The following SSPN variants were observed in gnomAD, a reference collection of about 807,000 sequenced individuals.
SSPN encodes K-ras oncogene-associated protein.
A neutral mutation model predicts 19.1 loss-of-function variants in SSPN; 15 were observed. The observed-to-expected ratio is 0.78, with a 90% CI of 0.52 to 1.21. The LOEUF (loss-of-function observed/expected upper bound fraction) is 1.21, where lower values mean the gene tolerates loss of function less well. Ranked by LOEUF, SSPN falls within the 50% of genes most tolerant of loss-of-function variation. The probability of loss-of-function intolerance (pLI) is 0.00; values close to 1 mark genes in which losing one functional copy is unlikely to be tolerated. For missense variants in SSPN, 291 were observed against 314.0 expected (o/e 0.93, Z 0.55); for synonymous variants, 147 against 140.3 (o/e 1.05, Z -0.34).
chr12:26,181,552 A>C (rs1278060534), intron 1 of SSPN, among the ~76,000 whole-genome samples: 2 of 152,242 alleles, frequency 1.3e-5, no homozygotes, highest in Non-Finnish European at 2.9e-5. Context: ...GCTATAGATC[A>C]GTTTACAAAA....
At chr12:26,124,818 G>C in intron 1 of SSPN, 1 of 1,603,984 alleles carries the variant, frequency 6.2e-7, no homozygotes, top group Non-Finnish European at 8.5e-7. Context: ...CGATTTTTGG[G>C]GCTCTGTACA....
chr12:26,184,838 T>A (rs1429220463), intron 1 of SSPN, among the ~76,000 whole-genome samples: 2 of 152,112 alleles, frequency 1.3e-5, no homozygotes, highest in Non-Finnish European at 2.9e-5. Context: ...CATAATGTAA[T>A]ATGCTCATGA....
intron 1 of SSPN, among the ~76,000 whole-genome samples, chr12:26,182,262 C>G (rs1010940438): frequency 2.6e-5 from 4 of 152,182 alleles, no homozygotes; most frequent in African/African-American, 9.7e-5. Flanking sequence ...TGAGCATTCA[C>G]TATGGGGAGT....
intron 1 of SSPN, among the ~76,000 whole-genome samples, chr12:26,215,857 A>G (rs934052394): frequency 6.6e-6 from 1 of 152,252 alleles, no homozygotes; most frequent in African/African-American, 2.4e-5. Flanking sequence ...CCCAATTTGA[A>G]GGACTCCTAT....
At chr12:26,166,607 G>T (rs577778167) in intron 1 of SSPN, among the ~76,000 whole-genome samples, 1 of 152,158 alleles carries the variant, frequency 6.6e-6, no homozygotes, top group Non-Finnish European at 1.5e-5. Flanking sequence ...AAATGAAAAC[G>T]AATTATATTT....
intron 2 of SSPN, among the ~76,000 whole-genome samples, chr12:26,229,555 A>G (rs1233797717): frequency 6.6e-6 from 1 of 152,240 alleles, no homozygotes; most frequent in African/African-American, 2.4e-5. Flanking sequence ...TTTGAATTAT[A>G]TATAAGGGAA....
At chr12:26,189,040 T>A (rs1165579306) in intron 1 of SSPN, among the ~76,000 whole-genome samples, 1 of 152,178 alleles carries the variant, frequency 6.6e-6, no homozygotes, top group Non-Finnish European at 1.5e-5. Flanking sequence ...TTTGTTTTTT[T>A]TAATGTAACC....
At chr12:26,186,215 C>A (rs1040333186) in intron 1 of SSPN, among the ~76,000 whole-genome samples, 29 of 135,512 alleles carry the variant, frequency 2.1e-4, no homozygotes, top group African/African-American at 8.1e-4. Context: ...AAAAAAAAAA[C>A]AACAACCATT....
At chr12:26,145,151 G>GT (rs563216685) in intron 1 of SSPN, among the ~76,000 whole-genome samples, 357 of 152,298 alleles carry the variant, frequency 2.3e-3, no homozygotes, top group African/African-American at 8.1e-3. Context: ...TTTCTTTCCA[G>GT]CTCTCAAGTC....
intron 1 of SSPN, among the ~76,000 whole-genome samples, chr12:26,213,722 A>T (rs947651676): frequency 1.3e-5 from 2 of 151,910 alleles, no homozygotes; most frequent in Non-Finnish European, 2.9e-5. Context: ...AAGGGAGAAC[A>T]TATCACTTTA....
intron 1 of SSPN, among the ~76,000 whole-genome samples, chr12:26,218,536 T>C (rs1945084846): frequency 6.7e-6 from 1 of 148,326 alleles, no homozygotes; most frequent in South Asian, 2.1e-4. Context: ...CCCAGACCTA[T>C]TGGATCAAAA....
At position 26,230,869 on chromosome 12, in the gene SSPN, C is replaced by G. The variant is rs776829521; in HGVS notation, c.525C>G (p.Thr175=). The change falls in exon 3 of 3, where the codon ACC becomes ACG. Residue 175 remains threonine, a synonymous_variant. Transcript: ENST00000242729. ...CCTCCTCGGAGCCGCTCAGCAGGAC[C>G]TTTGTTTACCGGGATGTGACGGACT... The part of the protein sequence containing the change: ...KLPSSEPLSR[T]FVYRDVTDCT... 4.3e-6 allele frequency: 7 copies of G among 1,614,102 alleles called. No homozygotes were observed. In the African/African-American group the frequency reaches 9.3e-5, roughly 22 times the overall value.
intron 1 of SSPN, chr12:26,122,357 C>T: frequency 2.5e-6 from 3 of 1,184,958 alleles, no homozygotes; most frequent in Non-Finnish European, 3.1e-6. Flanking sequence ...GGTATAGCAG[C>T]GGGAACGGGG....
intron 1 of SSPN, among the ~76,000 whole-genome samples, chr12:26,223,706 T>C (rs1591895440): frequency 6.6e-6 from 1 of 152,300 alleles, no homozygotes; most frequent in South Asian, 2.1e-4. Context: ...ACCTACCTTA[T>C]AGGATTTTGT....
intron 1 of SSPN, among the ~76,000 whole-genome samples, chr12:26,175,360 C>A (rs1944677608): frequency 6.6e-6 from 1 of 152,082 alleles, no homozygotes; most frequent in Non-Finnish European, 1.5e-5. Flanking sequence ...AGTGTCTGTC[C>A]AAATCTTTTC....
intron 1 of SSPN, among the ~76,000 whole-genome samples, chr12:26,173,566 A>G (rs1944665794): frequency 6.6e-6 from 1 of 151,780 alleles, no homozygotes. Flanking sequence ...CCTTACTCTT[A>G]TAGGTTTCTT....
chr12:26,219,674 G>A (rs949328926), intron 1 of SSPN, among the ~76,000 whole-genome samples: 8 of 152,270 alleles, frequency 5.3e-5, no homozygotes, highest in Admixed American at 2.0e-4. Context: ...GATGATTACC[G>A]TCTTTCTTTT....
intron 1 of SSPN, among the ~76,000 whole-genome samples, chr12:26,218,613 C>T (rs925566689): frequency 1.3e-5 from 2 of 152,056 alleles, no homozygotes; most frequent in Non-Finnish European, 2.9e-5. Context: ...TAGGCTTTGT[C>T]TTACCATAAG....
Position 26,232,753 on chromosome 12 carries a change from A to G in SSPN, c.*1677A>G, listed in dbSNP as rs1257728871. On this transcript the variant is annotated 3_prime_UTR_variant, in exon 3 of 3. Coordinates refer to ENST00000242729, the MANE Select transcript of SSPN (RefSeq NM_005086.5). ...ATAAAACACCCGATTAACAGATGTT[A>G]AACCTTTTAATGTTTTGATTTGCTT... 6.1e-6 allele frequency: 6 copies of G among 979,660 alleles called. No individual in the cohort carries two copies. The highest frequency in any genetic ancestry group is 7.3e-6 in the Non-Finnish European group (6 of 824,840). 60.7% of individuals were successfully genotyped at this position (979,660 alleles called of 1,614,324 possible).
Sources: gnomAD v4.1 joint callset for allele counts (sites outside exome capture counted in the v4.1 genomes callset) on GRCh38, gnomAD v4.1.1 for gene constraint, MANE v1.5 for transcripts, NCBI Gene and HGNC (gene_info 2026-07-23, HGNC 2026-07-21) for gene names.